CDH6: variants seen among roughly 807,000 people sequenced by gnomAD.
CDH6 encodes cadherin-6.
A neutral mutation model predicts 78.0 loss-of-function variants in CDH6; 31 were observed. The ratio of observed to expected loss-of-function variants is 0.40; its 90% CI spans 0.30 to 0.54. The LOEUF (loss-of-function observed/expected upper bound fraction) is 0.54, where lower values mean the gene tolerates loss of function less well. Among genes scored for constraint, CDH6 ranks in the 20% least tolerant of loss-of-function variants. CDH6 has a pLI of 0.56. For missense variants in CDH6, 724 were observed against 975.9 expected (o/e 0.74, Z 3.44); for synonymous variants, 376 against 368.8 (o/e 1.02, Z -0.23).
chr5:31,252,140 A>G (rs1741926980), intron 1 of CDH6, among the ~76,000 whole-genome samples: 1 of 152,236 alleles, frequency 6.6e-6, no homozygotes, highest in South Asian at 2.1e-4. Flanking sequence ...GCTGTGATTC[A>G]ATTAATTGAA....
chr5:31,285,550 C>T (rs1035646664), intron 2 of CDH6, among the ~76,000 whole-genome samples: 19 of 152,160 alleles, frequency 1.2e-4, no homozygotes, highest in Admixed American at 1.1e-3. Context: ...TGCTTTTATT[C>T]ATTGCTTTAT....
At chr5:31,211,714 G>C (rs1005342951) in intron 1 of CDH6, among the ~76,000 whole-genome samples, 1 of 152,092 alleles carries the variant, frequency 6.6e-6, no homozygotes, top group African/African-American at 2.4e-5. Context: ...CACACAACAG[G>C]ATGTTCCCAA....
At chr5:31,254,706 G>A (rs540852567) in intron 1 of CDH6, among the ~76,000 whole-genome samples, 3 of 152,320 alleles carry the variant, frequency 2.0e-5, no homozygotes, top group East Asian at 3.9e-4. Flanking sequence ...GATAATTAGT[G>A]CGATGTGCGC....
chr5:31,204,327 A>T (rs1740453948), intron 1 of CDH6, among the ~76,000 whole-genome samples: 1 of 152,208 alleles, frequency 6.6e-6, no homozygotes, highest in African/African-American at 2.4e-5. Flanking sequence ...ACCTCAGTAC[A>T]TGAGTGGACA....
chr5:31,197,781 A>G (rs1740211362), intron 1 of CDH6, among the ~76,000 whole-genome samples: 1 of 151,678 alleles, frequency 6.6e-6, no homozygotes, highest in South Asian at 2.1e-4. Flanking sequence ...CTCCCTTGGG[A>G]TTTTTATTTT....
At chr5:31,289,865 A>G (rs1743108354) in intron 2 of CDH6, among the ~76,000 whole-genome samples, 1 of 152,178 alleles carries the variant, frequency 6.6e-6, no homozygotes, top group Admixed American at 6.5e-5. Context: ...GGAAACCACA[A>G]CACCCAGCAG....
chr5:31,292,828 T>TATATATATATATATGTGTGC (rs1737428630), intron 2 of CDH6, among the ~76,000 whole-genome samples: 7 of 21,808 alleles, frequency 3.2e-4, no homozygotes, highest in African/African-American at 8.5e-4. Flanking sequence ...TGTGCATATA[T>TATATATATATATATGTGTGC]ATATATATAT....
intron 1 of CDH6, among the ~76,000 whole-genome samples, chr5:31,246,102 G>A (rs150218878): frequency 0.023 from 3,463 of 151,728 alleles, 141 homozygotes; most frequent in African/African-American, 0.08. Context: ...AGTAGAGACA[G>A]GGTTTCACTA....
At chr5:31,313,237 C>T in intron 7 of CDH6, 81 bp from the exon 8 acceptor site, 1 of 1,281,814 alleles carries the variant, frequency 7.8e-7, no homozygotes, top group African/African-American at 1.5e-5. Context: ...ATGATGTGTA[C>T]CAGATGTTTT....
intron 1 of CDH6, among the ~76,000 whole-genome samples, chr5:31,254,309 G>A (rs1446499550): frequency 6.6e-6 from 1 of 152,186 alleles, no homozygotes; most frequent in Non-Finnish European, 1.5e-5. Context: ...CTTCCTTTAA[G>A]TGAAAAGGTG....
intron 4 of CDH6, among the ~76,000 whole-genome samples, chr5:31,299,169 G>A (rs1474720938): frequency 6.6e-6 from 1 of 151,970 alleles, no homozygotes; most frequent in African/African-American, 2.4e-5. Flanking sequence ...CATCCATAAT[G>A]TAATTATAAT....
In CDH6 at chr5:31,311,350, C is replaced by T. The variant is rs141712120; in HGVS notation, c.1254-1968C>T. Reference sequence around the variant, plus strand: ...TCCTCATGTCCCTCTGAGACCTCCTCAGCCTGGACTTCACTGTCCATATCA... The same window carrying T: ...TCCTCATGTCCCTCTGAGACCTCCTTAGCCTGGACTTCACTGTCCATATCA... On this transcript the variant is annotated intron_variant, in intron 7 of 11. Coordinates refer to ENST00000265071, the MANE Select transcript of CDH6 (RefSeq NM_004932.4). 7.6e-3 allele frequency among the ~76,000 whole-genome samples: 1,156 copies of T among 152,348 alleles called. 7 individuals are homozygous for T. The highest frequency in any genetic ancestry group is 0.012 in the Non-Finnish European group (808 of 68,034).
At chr5:31,272,522 GA>G (rs1328886836) in intron 2 of CDH6, among the ~76,000 whole-genome samples, 1 of 151,928 alleles carries the variant, frequency 6.6e-6, no homozygotes, top group African/African-American at 2.4e-5. Flanking sequence ...CATTCCATAA[GA>G]AAAAAAGAGC....
chr5:31,278,347 T>G (rs1489611844), intron 2 of CDH6, among the ~76,000 whole-genome samples: 1 of 152,110 alleles, frequency 6.6e-6, no homozygotes, highest in Non-Finnish European at 1.5e-5. Flanking sequence ...GCTTCCTTAG[T>G]GCAAAACAAG....
intron 1 of CDH6, among the ~76,000 whole-genome samples, chr5:31,218,532 T>A (rs903615551): frequency 4.6e-5 from 7 of 152,162 alleles, no homozygotes; most frequent in Non-Finnish European, 8.8e-5. Flanking sequence ...GTTCTTGCTA[T>A]CTTCCCCCAT....
chr5:31,193,911 G>T (rs1247567665), intron 1 of CDH6, 25 bp downstream of exon 1: 2 of 152,392 alleles, frequency 1.3e-5, no homozygotes, highest in South Asian at 1.9e-4. Context: ...CGTTGGCTAT[G>T]CATACATCTC....
intron 1 of CDH6, among the ~76,000 whole-genome samples, chr5:31,236,055 G>C (rs1214329705): frequency 2.6e-5 from 4 of 151,966 alleles, no homozygotes; most frequent in African/African-American, 9.7e-5. Context: ...GAAAACATTT[G>C]TCAGATTTTT....
intron 2 of CDH6, among the ~76,000 whole-genome samples, chr5:31,287,165 A>G (rs553318209): frequency 6.6e-6 from 1 of 152,270 alleles, no homozygotes; most frequent in South Asian, 2.1e-4. Flanking sequence ...AATCCATGAA[A>G]AGAGATAGAG....
At chr5:31,195,121 A>G (rs1401637507) in intron 1 of CDH6, among the ~76,000 whole-genome samples, 2 of 152,096 alleles carry the variant, frequency 1.3e-5, no homozygotes, top group East Asian at 1.9e-4. Flanking sequence ...TAGTCATACT[A>G]TAGAGGTGTA....
Sources: gnomAD v4.1 joint callset for allele counts (sites outside exome capture counted in the v4.1 genomes callset) on GRCh38, gnomAD v4.1.1 for gene constraint, MANE v1.5 for transcripts, NCBI Gene and HGNC (gene_info 2026-07-23, HGNC 2026-07-21) for gene names.